FGGY: variants seen among roughly 807,000 people sequenced by gnomAD.
FGGY encodes FGGY carbohydrate kinase domain containing, also known as FGGY carbohydrate kinase domain-containing protein.
A neutral mutation model predicts 71.3 loss-of-function variants in FGGY; 72 were observed. The ratio of observed to expected loss-of-function variants is 1.01; its 90% CI spans 0.84 to 1.23. The LOEUF (loss-of-function observed/expected upper bound fraction) is 1.23. FGGY is among the 50% of genes most tolerant of loss of function. The pLI, the probability that FGGY is intolerant of heterozygous loss-of-function variation, is 0.00. For missense variants in FGGY, 668 were observed against 682.3 expected, an observed-to-expected ratio of 0.98 and a Z score of 0.23; for synonymous variants, 251 against 250.3, an observed-to-expected ratio of 1.00 and a Z score of -0.02.
chr1:59,649,997 TG>T (rs2097140909), intron 11 of FGGY, among the ~76,000 whole-genome samples: 1 of 148,364 alleles, frequency 6.7e-6, no homozygotes, highest in Non-Finnish European at 1.5e-5. Flanking sequence ...TTTCTGCATC[TG>T]TTGAGATAAT....
At chr1:59,522,562 G>T (rs2153650178) in intron 7 of FGGY, among the ~76,000 whole-genome samples, 1 of 152,302 alleles carries the variant, frequency 6.6e-6, no homozygotes, top group South Asian at 2.1e-4. Flanking sequence ...TTGTGTGGTG[G>T]AGAGATAAAC....
At chr1:59,470,972 G>T (rs2092911716) in intron 6 of FGGY, among the ~76,000 whole-genome samples, 1 of 152,184 alleles carries the variant, frequency 6.6e-6, no homozygotes, top group African/African-American at 2.4e-5. Context: ...GAGAGCTCTG[G>T]AGAAATCTTT....
chr1:59,367,497 T>G, intron 4 of FGGY, among the ~76,000 whole-genome samples: 1 of 152,200 alleles, frequency 6.6e-6, no homozygotes, highest in East Asian at 1.9e-4. Context: ...ATTTATTGAG[T>G]GGGGAATTAG....
chr1:59,390,056 T>C (rs1304249299), intron 5 of FGGY, among the ~76,000 whole-genome samples: 2 of 152,168 alleles, frequency 1.3e-5, no homozygotes, highest in Non-Finnish European at 2.9e-5. Flanking sequence ...AACAGTGGTA[T>C]TTAAAGCAGC....
At chr1:59,722,310 G>A (rs1224170003) in intron 14 of FGGY, among the ~76,000 whole-genome samples, 1 of 152,100 alleles carries the variant, frequency 6.6e-6, no homozygotes, top group African/African-American at 2.4e-5. Context: ...GTCACCTAAG[G>A]TAGTGTTTGT....
At chr1:59,625,536 C>A (rs2096848156) in intron 9 of FGGY, among the ~76,000 whole-genome samples, 1 of 152,016 alleles carries the variant, frequency 6.6e-6, no homozygotes, top group South Asian at 2.1e-4. Context: ...CTCTTTCATT[C>A]AGCTTCTCCA....
At chr1:59,552,139 C>T (rs1480281776) in intron 7 of FGGY, among the ~76,000 whole-genome samples, 1 of 152,140 alleles carries the variant, frequency 6.6e-6, no homozygotes, top group East Asian at 1.9e-4. Flanking sequence ...GGGCAGGGGA[C>T]ACCAGCCGAT....
chr1:59,358,458 A>G (rs2054767757), intron 4 of FGGY, among the ~76,000 whole-genome samples: 1 of 152,172 alleles, frequency 6.6e-6, no homozygotes, highest in Non-Finnish European at 1.5e-5. Context: ...TCTAGTACCA[A>G]GAGCGAGAGG....
At chr1:59,374,382 A>T (rs1158484983) in intron 4 of FGGY, among the ~76,000 whole-genome samples, 1 of 152,226 alleles carries the variant, frequency 6.6e-6, no homozygotes, top group East Asian at 1.9e-4. Context: ...TAGAATGGTG[A>T]TCTTTAAAAA....
intron 5 of FGGY, among the ~76,000 whole-genome samples, chr1:59,391,635 T>C (rs1293985397): frequency 6.6e-6 from 1 of 152,220 alleles, no homozygotes; most frequent in Non-Finnish European, 1.5e-5. Flanking sequence ...ATGTGCACTC[T>C]TCACTGAGAA....
At chr1:59,643,835 TCAAA>T (rs2153901898) in intron 11 of FGGY, among the ~76,000 whole-genome samples, 1 of 152,312 alleles carries the variant, frequency 6.6e-6, no homozygotes, top group Non-Finnish European at 1.5e-5. Flanking sequence ...TGCCTTATGG[TCAAA>T]CAGTTATTTC....
chr1:59,697,571 C>A, intron 14 of FGGY: 2 of 757,540 alleles, frequency 2.6e-6, no homozygotes, highest in Non-Finnish European at 4.1e-6. Context: ...ATAGCTTGTT[C>A]TCTGTGATCT....
chr1:59,600,153 G>A (rs763707448), intron 8 of FGGY, among the ~76,000 whole-genome samples: 26 of 152,188 alleles, frequency 1.7e-4, no homozygotes, highest in Non-Finnish European at 7.3e-5. Context: ...AGCAAGAAAT[G>A]ATGAAGGGCT....
rs527346932 is a variant in FGGY, at chr1:59,464,153, A to G, written c.670+7077A>G. Among the ~76,000 whole-genome samples the G allele has an allele frequency of 2.0e-5, 3 of 152,370 alleles. No homozygotes were observed. The East Asian group carries it at 5.8e-4, about 29-fold the overall frequency. The stretch of plus-strand genomic sequence containing the variant: ...CCGCAAATATGAAAGAACAGAAATC[A>G]CAACAAACTGTCTTTCAGACCACAG... On this transcript the variant is annotated intron_variant, in intron 6 of 15. Transcript: ENST00000303721.
At chr1:59,320,744 C>A (rs116326976) in intron 1 of FGGY, among the ~76,000 whole-genome samples, 1 of 152,182 alleles carries the variant, frequency 6.6e-6, no homozygotes. Flanking sequence ...TGCCTCTTCT[C>A]CAAACCTATA....
chr1:59,630,350 A>T (rs75858822), intron 10 of FGGY, among the ~76,000 whole-genome samples: 4 of 152,094 alleles, frequency 2.6e-5, no homozygotes, highest in African/African-American at 9.7e-5. Flanking sequence ...GGTGGTTGCT[A>T]TGGGTTCAAG....
At chr1:59,484,145 C>T (rs2093588852) in intron 6 of FGGY, among the ~76,000 whole-genome samples, 1 of 152,140 alleles carries the variant, frequency 6.6e-6, no homozygotes, top group Non-Finnish European at 1.5e-5. Flanking sequence ...CCCAAAGTCT[C>T]ATGGTTATTT....
intron 12 of FGGY, among the ~76,000 whole-genome samples, chr1:59,662,244 C>T (rs1363849777): frequency 2.7e-5 from 4 of 149,464 alleles, no homozygotes; most frequent in South Asian, 2.1e-4. Flanking sequence ...GGCATGAACC[C>T]GGGAGGCGGA....
intron 14 of FGGY, among the ~76,000 whole-genome samples, chr1:59,729,586 C>T (rs2097997921): frequency 6.6e-6 from 1 of 152,132 alleles, no homozygotes; most frequent in Admixed American, 6.5e-5. Flanking sequence ...CTTATTTTTT[C>T]ATCCCCACTA....
Sources: gnomAD v4.1 joint callset for allele counts (sites outside exome capture counted in the v4.1 genomes callset) on GRCh38, gnomAD v4.1.1 for gene constraint, MANE v1.5 for transcripts, NCBI Gene and HGNC (gene_info 2026-07-23, HGNC 2026-07-21) for gene names.